Variants in KRT5 observed in about 807,000 individuals in gnomAD.
KRT5 encodes keratin 5.
KRT5 carries 17 observed loss-of-function variants against 44.0 expected under a neutral mutation model. That is an observed-to-expected ratio of 0.39 (90% confidence interval 0.26 to 0.58). The LOEUF (loss-of-function observed/expected upper bound fraction) is 0.58, where lower values mean the gene tolerates loss of function less well. Ranked by LOEUF, KRT5 falls within the 20% of genes least tolerant of loss-of-function variation. The pLI is 0.61. For missense variants in KRT5, 737 were observed against 785.5 expected, an observed-to-expected ratio of 0.94 and a Z score of 0.74; for synonymous variants, 329 against 312.8, an observed-to-expected ratio of 1.05 and a Z score of -0.55.
rs1328490544 is a variant in KRT5 at position 52,514,801 on chromosome 12, C to A, written c.*141G>T. The A allele has an allele frequency of 2.7e-6, 2 of 742,776 alleles. No individual in the cohort carries two copies. The highest frequency in any genetic ancestry group is 4.6e-6 in the Non-Finnish European group (2 of 436,732). 46.0% of individuals were successfully genotyped at this position (742,776 alleles called of 1,614,324 possible). ...CTGGGAATGGGGCTCTCCTGGGAAC[C>A]AAAGAATGTGGTTCTGCAATTGGCT... On this transcript the variant is annotated 3_prime_UTR_variant, in exon 9 of 9. Coordinates refer to ENST00000252242, the MANE Select transcript of KRT5 (RefSeq NM_000424.4).
At position 52,519,793 on chromosome 12, in the gene KRT5, C is replaced by T. The variant is rs1357786542; in HGVS notation, c.504G>A (p.Glu168=). Residue 168 remains glutamate, a synonymous_variant, in exon 1 of 9, where the codon GAG becomes GAA. Coordinates refer to ENST00000252242, the MANE Select transcript of KRT5 (RefSeq NM_000424.4). ...DPSIQRVRTE[E]REQIKTLNNK... is the part of the protein sequence containing the mutation. ...TGTTGAGGGTCTTGATCTGCTCGCG[C>T]TCCTCGGTCCTCACCCTCTGGATGC... The T allele has an allele frequency of 1.9e-6, 3 of 1,614,006 alleles. No individual in the cohort carries two copies. Among genetic ancestry groups the T allele is most frequent in the Non-Finnish European group, 2.5e-6 (3 of 1,180,034 alleles).
At chr12:52,516,225 A>G in intron 7 of KRT5, 1 of 411,562 alleles carries the variant, frequency 2.4e-6, no homozygotes, top group Non-Finnish European at 4.5e-6. Context: ...AGCAAACAGT[A>G]GTTTGACAAT....
In KRT5 at chr12:52,514,647, T is replaced by A; in HGVS notation, c.*295A>T. 1 of 416,188 alleles carries A rather than the reference T, an allele frequency of 2.4e-6. No individual in the cohort carries two copies. Among genetic ancestry groups the A allele is most frequent in the Non-Finnish European group, 4.3e-6 (1 of 234,160 alleles). 25.8% of individuals were successfully genotyped at this position (416,188 alleles called of 1,614,324 possible). A position where few individuals can be genotyped will look rare whatever the true frequency, so the allele number is the denominator to read the frequency against. ...ACCAAAACAAAATTTGGGATTGGGG[T>A]GGGGATTCTGTTTTGATGATTTAGA... On this transcript the variant is annotated 3_prime_UTR_variant, in exon 9 of 9. Coordinates refer to ENST00000252242, the MANE Select transcript of KRT5 (RefSeq NM_000424.4).
At chr12:52,516,427 C>CTGAA (rs1390134346) in intron 7 of KRT5, 26 of 602,238 alleles carry the variant, frequency 4.3e-5, no homozygotes, top group Non-Finnish European at 7.2e-5. Context: ...TGGAGGACAG[C>CTGAA]CAGTGCCCAG....
intron 8 of KRT5, 56 bp downstream of exon 8, chr12:52,515,742 G>C (rs1938599392): frequency 7.3e-7 from 1 of 1,376,588 alleles, no homozygotes; most frequent in Admixed American, 1.7e-5. Context: ...TTCTGAGTTG[G>C]CACTAAATAT....
chr12:52,517,413 T>C (rs918299805), intron 5 of KRT5, among the ~76,000 whole-genome samples, 177 bp downstream of exon 5: 2 of 152,050 alleles, frequency 1.3e-5, no homozygotes, highest in African/African-American at 4.8e-5. Flanking sequence ...AGATTCAGAG[T>C]GAGATTATTT....
In KRT5 at chr12:52,519,945, C is replaced by G. The variant is rs368543262; in HGVS notation, c.352G>C (p.Gly118Arg). The G allele has an allele frequency of 1.3e-5, 21 of 1,612,632 alleles. No individual in the cohort carries two copies. The highest frequency in any genetic ancestry group is 4.0e-5 in the African/African-American group (3 of 74,800). ...CCACCTCCAAAGCCAGCTCCGCCAC[C>G]GAGCCCAAAGCCACCACCAGCTCCA... The part of the protein sequence containing the change: ...GGGAGGGFGL[G>R]GGAGFGGGFG... The change falls in exon 1 of 9, where the codon GGT becomes CGT. Residue 118 changes from glycine to arginine, a missense_variant. Physicochemically the swap from Gly to Arg is moderately radical, Grantham distance 125. This residue lies in a region of KRT5 where 326 missense variants were observed against 333.1 expected (regional missense o/e 0.98). Coordinates refer to ENST00000252242, the MANE Select transcript of KRT5 (RefSeq NM_000424.4).
chr12:52,520,102 G>A lies in KRT5; in HGVS notation c.195C>T (p.Leu65=). The A allele has an allele frequency of 6.2e-7, 1 of 1,614,016 alleles. No homozygotes were observed. Reference sequence around the variant, plus strand: ...TCCTCTTGGAGCCCCCCAGGTTGTAGAGGCTCCGGCTGCCATAGCCACCCA... The same window carrying A: ...TCCTCTTGGAGCCCCCCAGGTTGTAAAGGCTCCGGCTGCCATAGCCACCCA... ...CGVGGYGSRS[L]YNLGGSKRIS... is the part of the protein sequence containing the mutation. Residue 65 remains leucine (L), a synonymous_variant, in exon 1 of 9, where the codon CTC becomes CTT. Coordinates refer to ENST00000252242, the MANE Select transcript of KRT5 (RefSeq NM_000424.4).
At position 52,518,867 on chromosome 12, in the gene KRT5, G is replaced by A. The variant is rs1167289669; in HGVS notation, c.770+79C>T. ...CCTCCCAGCCCCAAAGGAAGGCATGGTAGTAGACTAGTAACAAAGCCCATC... is the reference window on the plus strand; with the variant it reads ...CCTCCCAGCCCCAAAGGAAGGCATGATAGTAGACTAGTAACAAAGCCCATC... On this transcript the variant is annotated intron_variant, in intron 2 of 8. Coordinates refer to ENST00000252242, the MANE Select transcript of KRT5 (RefSeq NM_000424.4). 3.2e-6 allele frequency: 5 copies of A among 1,546,144 alleles called. No homozygotes were observed. In the African/African-American group the frequency reaches 5.4e-5, roughly 17 times the overall value.
intron 4 of KRT5, 58 bp downstream of exon 4, chr12:52,517,839 T>C: frequency 6.2e-7 from 1 of 1,608,980 alleles, no homozygotes; most frequent in Middle Eastern, 1.7e-4. Context: ...CTCATTGTGA[T>C]ATGACAACTT....
chr12:52,519,034 T>G lies in KRT5; in HGVS notation c.682A>C (p.Arg228=), dbSNP rs1938664300. ...TCCCCCACGATGCTGTCCAGCTGCC[T>G]CCTGAGGTTGTTGATGTACTGCTCG... ...LFEQYINNLR[R]QLDSIVGERG... Residue 228 remains arginine (R), a synonymous_variant, in exon 2 of 9, where the codon AGG becomes CGG. Transcript: ENST00000252242. The G allele has an allele frequency of 2.5e-6, 4 of 1,614,190 alleles. No individual in the cohort carries two copies. Among genetic ancestry groups the G allele is most frequent in the Non-Finnish European group, 3.4e-6 (4 of 1,180,038 alleles).
In KRT5 at chr12:52,519,100, G is replaced by T; in HGVS notation, c.616C>A (p.Gln206Lys). The change falls in exon 2 of 9, where the codon CAG becomes AAG. Residue 206 changes from glutamine (Q) to lysine (K), a missense_variant. Around this residue, in one of 5 missense-constraint regions of KRT5, gnomAD observed 326 missense variants for 333.1 expected, o/e 0.98. Coordinates refer to ENST00000252242, the MANE Select transcript of KRT5 (RefSeq NM_000424.4). Reference sequence around the variant, plus strand: ...TTCTGCCTCACAGTCTTGGTGCCCTGCTCCTGCAGCAGGGTCCACTTGGTG... The same window carrying T: ...TTCTGCCTCACAGTCTTGGTGCCCTTCTCCTGCAGCAGGGTCCACTTGGTG... ...LDTKWTLLQEQGTKTVRQNLE... is the reference protein window; with the variant it reads ...LDTKWTLLQEKGTKTVRQNLE... 1.2e-6 allele frequency: 2 copies of T among 1,614,176 alleles called. No homozygotes were observed. Among genetic ancestry groups the T allele is most frequent in the Non-Finnish European group, 1.7e-6 (2 of 1,180,020 alleles).
At chr12:52,519,529 G>A (rs1339608090) in intron 1 of KRT5, 4 of 662,642 alleles carry the variant, frequency 6.0e-6, no homozygotes, top group Non-Finnish European at 1.1e-5. Context: ...GCCCTTGTGA[G>A]CTAACCTCTG....
In KRT5 at chr12:52,514,686, T is replaced by C; in HGVS notation, c.*256A>G. On this transcript the variant is annotated 3_prime_UTR_variant, in exon 9 of 9. Transcript: ENST00000252242. ...TGATGATTTAGATTTGGGAAAACTT[T>C]GGGTTCTCGTGTCAGCAGGGGCCAT... The C allele has an allele frequency of 2.1e-6, 1 of 486,696 alleles. No individual in the cohort carries two copies. Among genetic ancestry groups the C allele is most frequent in the Non-Finnish European group, 3.6e-6 (1 of 276,278 alleles). The allele number at this position is 486,696 out of a possible 1,614,324, so 30.1% of individuals were successfully genotyped here. A position where few individuals can be genotyped will look rare whatever the true frequency, so the allele number is the denominator to read the frequency against.
In KRT5 at chr12:52,515,233, G is replaced by T; in HGVS notation, c.1482C>A (p.Val494=). 4 of 1,606,950 alleles carry T rather than the reference G, an allele frequency of 2.5e-6. No homozygotes were observed. The highest frequency in any genetic ancestry group is 3.4e-6 in the Non-Finnish European group (4 of 1,179,928). ...EGVGPVNISV[V]TSSVSSGYGS... ...CATATCCAGAGGAAACACTGCTTGT[G>T]ACAACAGCTGCAGGGAAAGGAGGGA... The change falls in exon 9 of 9, where the codon GTC becomes GTA. Residue 494 remains valine, a synonymous_variant. Transcript: ENST00000252242.
chr12:52,518,303 A>C, intron 2 of KRT5, 140 bp from the exon 3 acceptor site: 2 of 790,054 alleles, frequency 2.5e-6, no homozygotes, highest in Non-Finnish European at 2.3e-6. Context: ...GGACACTGGT[A>C]GCATGAACCT....
Position 52,519,156 on chromosome 12 carries a change from C to T in KRT5, c.560G>A (p.Arg187Gln), listed in dbSNP as rs267607452. The T allele has an allele frequency of 1.1e-5, 18 of 1,614,052 alleles. No individual in the cohort carries two copies. The highest frequency in any genetic ancestry group is 2.7e-5 in the African/African-American group (2 of 74,930). ...AACCTTGTTCTGCTGCTCCAGGAAC[C>T]GCACCTGGAGGGGAGCAGGGTTTGA... is the stretch of plus-strand genomic sequence containing the variant. ...NKFASFIDKVRFLEQQNKVLD... is the reference protein window; with the variant it reads ...NKFASFIDKVQFLEQQNKVLD... Residue 187 changes from arginine to glutamine, a missense_variant, in exon 2 of 9, where the codon CGG becomes CAG. Physicochemically the swap from Arg to Gln is conservative, Grantham distance 43. Around this residue, in one of 5 missense-constraint regions of KRT5, gnomAD observed 326 missense variants for 333.1 expected, o/e 0.98. Transcript: ENST00000252242.
At position 52,515,939 on chromosome 12, in the gene KRT5, G is replaced by C; in HGVS notation, c.1440-107C>G. ...GATTCGAGTTCATTCCATAAGCCAG[G>C]AGTCTGTACACCCAAAAGCTGCTTA... On this transcript the variant is annotated intron_variant, in intron 7 of 8. Transcript: ENST00000252242. 3 of 945,908 alleles carry C rather than the reference G, an allele frequency of 3.2e-6. 1 individual carries two copies. In the South Asian group the frequency reaches 4.0e-5, roughly 13 times the overall value. 58.6% of individuals were successfully genotyped at this position (945,908 alleles called of 1,614,324 possible).
In KRT5 at chr12:52,515,079, G is replaced by T. The variant is rs114734812; in HGVS notation, c.1636C>A (p.Leu546Ile). The change falls in exon 9 of 9, where the codon CTC (leucine) becomes ATC (isoleucine). Residue 546 changes from leucine to isoleucine, a missense_variant. Coordinates refer to ENST00000252242, the MANE Select transcript of KRT5 (RefSeq NM_000424.4). ...CTGAAGCCAGAGCCCCCCACACTGAGCCCACCACCTAGGCCGACACCCCCA... is the reference window on the plus strand; with the variant it reads ...CTGAAGCCAGAGCCCCCCACACTGATCCCACCACCTAGGCCGACACCCCCA... ...SSGGVGLGGG[L>I]SVGGSGFSAS... 1,054 of 1,611,242 alleles carry T rather than the reference G, an allele frequency of 6.5e-4. 5 individuals carry two copies. In the African/African-American group the frequency reaches 0.013, roughly 20 times the overall value.
Sources: gnomAD v4.1 joint callset for allele counts (sites outside exome capture counted in the v4.1 genomes callset) on GRCh38, gnomAD v4.1.1 for gene constraint, gnomAD v4.1.1 regional missense constraint, MANE v1.5 for transcripts, NCBI Gene and HGNC (gene_info 2026-07-23, HGNC 2026-07-21) for gene names.